The following FRYL variants were observed in gnomAD, a reference collection of about 807,000 sequenced individuals.
FRYL encodes the protein protein furry homolog-like.
A neutral mutation model predicts 351.2 loss-of-function variants in FRYL; 150 were observed. That is an observed-to-expected ratio of 0.43 (90% CI 0.37 to 0.49). The LOEUF is 0.49. FRYL is among the 20% of genes least tolerant of loss of function. The pLI, the probability that FRYL is intolerant of heterozygous loss-of-function variation, is 0.00. For synonymous variants in FRYL, 1,153 were observed against 1,257.1 expected (o/e 0.92, Z 1.75); for missense variants, 3,036 against 3,619.3 (o/e 0.84, Z 4.13).
intron 53 of FRYL, chr4:48,523,631 T>C (rs2148838228): frequency 6.5e-6 from 1 of 152,974 alleles, no homozygotes; most frequent in African/African-American, 2.4e-5. Context: ...GATTAAGCTT[T>C]GTGCAGAAAG....
chr4:48,534,145 G>A (rs578140517), intron 49 of FRYL, among the ~76,000 whole-genome samples: 1 of 152,278 alleles, frequency 6.6e-6, no homozygotes, highest in South Asian at 2.1e-4. Flanking sequence ...AGACTCACTT[G>A]AATCCAGGAG....
At chr4:48,739,600 T>A (rs949757050) in intron 1 of FRYL, among the ~76,000 whole-genome samples, 1 of 151,020 alleles carries the variant, frequency 6.6e-6, no homozygotes, top group African/African-American at 2.4e-5. Flanking sequence ...AAATCTAAAA[T>A]ACAAAACTTG....
At chr4:48,502,545 CAA>C (rs57308308) in intron 61 of FRYL, among the ~76,000 whole-genome samples, 8 of 111,130 alleles carry the variant, frequency 7.2e-5, no homozygotes, top group Admixed American at 9.9e-5. Flanking sequence ...GACTCCATCT[CAA>C]AAAAAAAAAA....
chr4:48,506,668 A>G (rs1335953107), intron 59 of FRYL: 1 of 104,522 alleles, frequency 9.6e-6, no homozygotes, highest in South Asian at 3.2e-4. Context: ...ATATATATAT[A>G]TGAAATCATT....
At chr4:48,607,420 TATG>T (rs1334265679) in intron 9 of FRYL, among the ~76,000 whole-genome samples, 4 of 152,202 alleles carry the variant, frequency 2.6e-5, no homozygotes, top group African/African-American at 9.6e-5. Flanking sequence ...TCTTGGAGAA[TATG>T]ATACCATTTT....
intron 3 of FRYL, among the ~76,000 whole-genome samples, chr4:48,640,725 G>A (rs1259265202): frequency 6.6e-6 from 1 of 152,168 alleles, no homozygotes; most frequent in Non-Finnish European, 1.5e-5. Context: ...GGAGTGGAGA[G>A]AGGGTATGCG....
At chr4:48,750,945 T>G (rs1773194908) in intron 1 of FRYL, among the ~76,000 whole-genome samples, 2 of 152,182 alleles carry the variant, frequency 1.3e-5, no homozygotes, top group South Asian at 4.1e-4. Flanking sequence ...TCACTATACC[T>G]GAACCAATCA....
At chr4:48,729,430 T>C (rs1378727510) in intron 1 of FRYL, among the ~76,000 whole-genome samples, 1 of 152,186 alleles carries the variant, frequency 6.6e-6, no homozygotes, top group Non-Finnish European at 1.5e-5. Flanking sequence ...ACAGACTGCC[T>C]CCTCAAATGG....
At chr4:48,764,784 T>C (rs546346466) in intron 1 of FRYL, among the ~76,000 whole-genome samples, 18 of 152,168 alleles carry the variant, frequency 1.2e-4, no homozygotes, top group African/African-American at 4.1e-4. Context: ...CTCAAAGCAA[T>C]TTATAGATTT....
intron 2 of FRYL, among the ~76,000 whole-genome samples, chr4:48,685,096 C>T (rs1765016409): frequency 1.3e-5 from 2 of 152,162 alleles, no homozygotes. Flanking sequence ...CAACCTCTAT[C>T]CCACCACTCT....
chr4:48,604,598 A>C (rs1415524018), intron 11 of FRYL, among the ~76,000 whole-genome samples: 2 of 152,208 alleles, frequency 1.3e-5, no homozygotes, highest in Admixed American at 6.5e-5. Context: ...TTCAGTGCAC[A>C]CAAGAGGCTA....
At chr4:48,726,819 C>T (rs529181351) in intron 1 of FRYL, among the ~76,000 whole-genome samples, 3 of 152,294 alleles carry the variant, frequency 2.0e-5, no homozygotes, top group Admixed American at 2.0e-4. Flanking sequence ...CTGAAAGGTA[C>T]AAACTTGATA....
intron 1 of FRYL, among the ~76,000 whole-genome samples, chr4:48,757,187 C>A (rs1370811537): frequency 6.6e-6 from 1 of 152,266 alleles, no homozygotes; most frequent in Non-Finnish European, 1.5e-5. Context: ...AAAACTGGCA[C>A]AAGACAAGGA....
chr4:48,589,919 G>C (rs1455455849), intron 17 of FRYL, 42 bp from the exon 18 acceptor site: 2 of 1,497,700 alleles, frequency 1.3e-6, no homozygotes, highest in East Asian at 2.3e-5. Flanking sequence ...TCTGAAATTA[G>C]ATAAAGAATA....
intron 1 of FRYL, among the ~76,000 whole-genome samples, chr4:48,776,241 G>T (rs150153003): frequency 1.3e-5 from 2 of 151,048 alleles, no homozygotes; most frequent in Admixed American, 1.3e-4. Flanking sequence ...TCCCGCCTCA[G>T]CCTCCCAAAG....
chr4:48,671,884 A>C (rs1762813438), intron 3 of FRYL, among the ~76,000 whole-genome samples: 5 of 149,014 alleles, frequency 3.4e-5, no homozygotes, highest in Non-Finnish European at 6.0e-5. Context: ...AAAAAAAAAA[A>C]AAAAAAAGAA....
At chr4:48,688,808 G>C (rs766458083) in intron 2 of FRYL, among the ~76,000 whole-genome samples, 2 of 151,736 alleles carry the variant, frequency 1.3e-5, no homozygotes, top group Non-Finnish European at 2.9e-5. Context: ...GATTACAGGC[G>C]TGTGCCACCA....
chr4:48,779,598 G>A (rs1776419352), intron 1 of FRYL, among the ~76,000 whole-genome samples: 1 of 152,034 alleles, frequency 6.6e-6, no homozygotes, highest in Admixed American at 6.5e-5. Flanking sequence ...AGCCGAGGCG[G>A]CGGAGCCGTG....
intron 3 of FRYL, among the ~76,000 whole-genome samples, chr4:48,668,278 AT>A (rs1251606130): frequency 6.6e-6 from 1 of 151,898 alleles, no homozygotes. Flanking sequence ...CGTTTGCTTA[AT>A]TTGAGGTGGT....
Sources: gnomAD v4.1 joint callset for allele counts (sites outside exome capture counted in the v4.1 genomes callset) on GRCh38, gnomAD v4.1.1 for gene constraint, MANE v1.5 for transcripts, NCBI Gene and HGNC (gene_info 2026-07-23, HGNC 2026-07-21) for gene names.